Variants in SPATA9 observed in about 807,000 individuals in gnomAD.
The protein encoded by SPATA9 is spermatogenesis-associated protein 9.
SPATA9 carries 27 observed loss-of-function variants against 25.5 expected under a neutral mutation model. That is an observed-to-expected ratio of 1.06 (90% CI 0.78 to 1.46). The LOEUF is 1.46. SPATA9 is among the 40% of genes most tolerant of loss of function. SPATA9 has a pLI of 0.00. For missense variants in SPATA9, 282 were observed against 297.5 expected (o/e 0.95, Z 0.38); for synonymous variants, 102 against 105.7 (o/e 0.97, Z 0.21).
chr5:95,663,283 A>AT (rs1303818598), intron 4 of SPATA9, among the ~76,000 whole-genome samples: 1 of 152,180 alleles, frequency 6.6e-6, no homozygotes, highest in African/African-American at 2.4e-5. Flanking sequence ...ATATGACTTT[A>AT]TTTATATAGA....
chr5:95,678,597 G>A (rs907270947), intron 2 of SPATA9, among the ~76,000 whole-genome samples: 13 of 152,084 alleles, frequency 8.5e-5, no homozygotes, highest in Non-Finnish European at 1.8e-4. Flanking sequence ...GGTGGCGCGG[G>A]GGAGGGGAGG....
chr5:95,708,803 C>T, the SPATA9 span: 87 of 591,056 alleles, frequency 1.5e-4, no homozygotes, highest in East Asian at 2.0e-3. Context: ...TTGGAAGTAC[C>T]GGCCCTCCAA....
chr5:95,690,495 G>A (rs1753854144), intron 1 of SPATA9, among the ~76,000 whole-genome samples: 1 of 152,154 alleles, frequency 6.6e-6, no homozygotes, highest in Non-Finnish European at 1.5e-5. Flanking sequence ...GGTTAATGGA[G>A]TCCTTTTAAA....
intron 1 of SPATA9, among the ~76,000 whole-genome samples, chr5:95,697,488 T>C (rs532440390): frequency 6.6e-6 from 1 of 152,156 alleles, no homozygotes; most frequent in Non-Finnish European, 1.5e-5. Flanking sequence ...GAGAACAAGA[T>C]AGTCTGCTCA....
At chr5:95,675,711 G>T (rs1401101822) in intron 2 of SPATA9, 72 bp from the exon 3 acceptor site, 3 of 1,231,494 alleles carry the variant, frequency 2.4e-6, no homozygotes, top group African/African-American at 3.0e-5. Context: ...TTCCGGCAGA[G>T]ACTGACTACT....
chr5:95,720,080 C>T, the SPATA9 span, among the ~76,000 whole-genome samples: 25 of 152,262 alleles, frequency 1.6e-4, no homozygotes, highest in Non-Finnish European at 3.5e-4. Flanking sequence ...TACAAATGAG[C>T]AAATTAGTAT....
At position 95,688,013 on chromosome 5, in the gene SPATA9, T is replaced by C. The variant is rs377214391; in HGVS notation, n.124+10575A>G. Among the ~76,000 whole-genome samples, 11 of 152,276 alleles carry C rather than the reference T, an allele frequency of 7.2e-5. No homozygotes were observed. In the East Asian group the frequency reaches 1.7e-3, roughly 24 times the overall value. On this transcript the variant is annotated intron_variant and non_coding_transcript_variant, in intron 1 of 2. Transcript: ENST00000379990. ...TTCTATGGACAACAGTATGGAGATT[T>C]TGCAAAGAACTAAAAATAGAACTAC... is the stretch of plus-strand genomic sequence containing the variant.
At chr5:95,727,109 C>T in the SPATA9 span, among the ~76,000 whole-genome samples, 1 of 152,026 alleles carries the variant, frequency 6.6e-6, no homozygotes, top group South Asian at 2.1e-4. Flanking sequence ...TTAGAAAACC[C>T]ATCTTTTTAA....
chr5:95,731,760 C>T, the SPATA9 span: 10 of 1,606,470 alleles, frequency 6.2e-6, no homozygotes, highest in Admixed American at 5.0e-5. Flanking sequence ...GGCTGGTGCC[C>T]ATCCTCGCCG....
intron 1 of SPATA9, among the ~76,000 whole-genome samples, chr5:95,692,971 A>T (rs1561420182): frequency 6.6e-6 from 1 of 152,238 alleles, no homozygotes; most frequent in Non-Finnish European, 1.5e-5. Context: ...ATTCTTTTAT[A>T]GCCCACTAAT....
At chr5:95,678,533 C>A (rs911182761) in intron 2 of SPATA9, among the ~76,000 whole-genome samples, 2 of 152,112 alleles carry the variant, frequency 1.3e-5, no homozygotes, top group African/African-American at 2.4e-5. Context: ...CCCATCAAAT[C>A]TTTTTTTGTT....
chr5:95,697,260 T>C (rs146277288), intron 1 of SPATA9, among the ~76,000 whole-genome samples: 12 of 152,262 alleles, frequency 7.9e-5, no homozygotes, highest in African/African-American at 2.6e-4. Context: ...CGTGTGCCTT[T>C]TGGCTGCTTC....
intron 3 of SPATA9, among the ~76,000 whole-genome samples, chr5:95,664,777 G>A (rs1427430944): frequency 1.3e-5 from 2 of 152,116 alleles, no homozygotes; most frequent in African/African-American, 4.8e-5. Flanking sequence ...AGTTAGCCAG[G>A]CTCCTCTGAA....
the SPATA9 span, among the ~76,000 whole-genome samples, chr5:95,712,886 A>G: frequency 6.7e-6 from 1 of 149,794 alleles, no homozygotes; most frequent in East Asian, 2.4e-4. Flanking sequence ...TTCCATGTTC[A>G]GTTTTTTTAA....
At chr5:95,717,430 C>CA in the SPATA9 span, 1 of 152,216 alleles carries the variant, frequency 6.6e-6, no homozygotes, top group South Asian at 2.1e-4. Flanking sequence ...GGTACACACA[C>CA]ACGTATCTAT....
At chr5:95,709,202 G>A in the SPATA9 span, among the ~76,000 whole-genome samples, 1 of 152,304 alleles carries the variant, frequency 6.6e-6, no homozygotes, top group Admixed American at 6.5e-5. Flanking sequence ...GAATTGGATT[G>A]GGATGGGCTC....
At chr5:95,660,991 T>G (rs1343247159) in intron 4 of SPATA9, among the ~76,000 whole-genome samples, 1 of 152,212 alleles carries the variant, frequency 6.6e-6, no homozygotes, top group East Asian at 1.9e-4. Context: ...AGAGTCTGTT[T>G]CCACGTTATT....
upstream of SPATA9, chr5:95,701,487 TA>T (rs1349174632): frequency 1.3e-4 from 20 of 152,226 alleles, no homozygotes; most frequent in East Asian, 3.5e-3. Context: ...CTAAAACATC[TA>T]TACTGGTAGC....
At chr5:95,673,286 G>A (rs750027737) in intron 3 of SPATA9, among the ~76,000 whole-genome samples, 1 of 152,184 alleles carries the variant, frequency 6.6e-6, no homozygotes, top group Non-Finnish European at 1.5e-5. Flanking sequence ...TTCAAGCTTA[G>A]GGAACCAGCA....
Sources: allele counts gnomAD v4.1 joint callset (sites outside exome capture counted in the v4.1 genomes callset), GRCh38; gene constraint gnomAD v4.1.1; transcripts MANE v1.5; gene names NCBI Gene and HGNC (gene_info 2026-07-23, HGNC 2026-07-21).